Variants in ZNF283 observed in about 807,000 individuals in gnomAD.
The protein encoded by ZNF283 is zinc finger protein 41.
In ZNF283, 10 loss-of-function variants were observed where a neutral mutation model predicts 9.2. That is an observed-to-expected ratio of 1.09 (90% CI 0.67 to 1.85). ZNF283 has a LOEUF of 1.85. Ranked by LOEUF, ZNF283 falls within the 40% of genes most tolerant of loss-of-function variation. The probability of loss-of-function intolerance (pLI) is 0.00; values close to 1 mark genes in which losing one functional copy is unlikely to be tolerated. For missense variants in ZNF283, 631 were observed against 760.1 expected (o/e 0.83, Z 2.00); for synonymous variants, 234 against 244.1 (o/e 0.96, Z 0.38).
At chr19:43,831,597 T>C (rs1405499590) in intron 3 of ZNF283, among the ~76,000 whole-genome samples, 3 of 152,178 alleles carry the variant, frequency 2.0e-5, no homozygotes, top group Admixed American at 6.5e-5. Context: ...TTGCATCCTC[T>C]AGAGTTAATC....
intron 1 of ZNF283, 42 bp from the exon 2 acceptor site, chr19:43,828,160 G>C (rs1022064667): frequency 6.7e-6 from 1 of 150,038 alleles, no homozygotes; most frequent in African/African-American, 2.5e-5. Flanking sequence ...TCTGTGACGC[G>C]CTAGAAATGC....
At chr19:43,838,902 A>G (rs117746398) in intron 6 of ZNF283, among the ~76,000 whole-genome samples, 2,840 of 152,192 alleles carry the variant, frequency 0.019, 46 homozygotes, top group Non-Finnish European at 0.026. Flanking sequence ...ACAATCAGCT[A>G]TTGCTTTGAA....
chr19:43,846,850 C>G (rs1971416351), intron 6 of ZNF283, 89 bp from the exon 7 acceptor site: 2 of 1,004,750 alleles, frequency 2.0e-6, no homozygotes, highest in African/African-American at 1.7e-5. Context: ...CAGTAAGTCT[C>G]CTAATTTGTC....
intron 6 of ZNF283, among the ~76,000 whole-genome samples, chr19:43,845,465 CTAAT>C (rs1971367378): frequency 6.6e-6 from 1 of 151,974 alleles, no homozygotes; most frequent in African/African-American, 2.4e-5. Flanking sequence ...ATAGTTGTGA[CTAAT>C]TAATCAGAAC....
At chr19:43,835,043 C>T (rs1157089988) in intron 4 of ZNF283, among the ~76,000 whole-genome samples, 1 of 152,068 alleles carries the variant, frequency 6.6e-6, no homozygotes, top group Non-Finnish European at 1.5e-5. Flanking sequence ...TTGATTATTT[C>T]CCTAAGTTAG....
chr19:43,848,744 G>A lies in ZNF283; in HGVS notation c.*103G>A, dbSNP rs932651099. On this transcript the variant is annotated 3_prime_UTR_variant, in exon 7 of 7. Coordinates refer to ENST00000618787, the MANE Select transcript of ZNF283 (RefSeq NM_181845.2). ...TTGTGAATGTAAGGGTTGTGCAAAAGCCATTCATTTCTGTTTATGGGCAAT... is the reference window on the plus strand; with the variant it reads ...TTGTGAATGTAAGGGTTGTGCAAAAACCATTCATTTCTGTTTATGGGCAAT... 4.2e-6 allele frequency: 5 copies of A among 1,203,982 alleles called. No individual in the cohort carries two copies. Among genetic ancestry groups the A allele is most frequent in the Non-Finnish European group, 5.6e-6 (5 of 891,892 alleles). The allele number at this position is 1,203,982 out of a possible 1,614,324, so 74.6% of individuals were successfully genotyped here.
At chr19:43,838,063 C>T (rs1971053851) in intron 6 of ZNF283, 1 of 152,148 alleles carries the variant, frequency 6.6e-6, no homozygotes, top group Non-Finnish European at 1.5e-5. Flanking sequence ...GATTACAGGC[C>T]AGCTATTTTG....
Position 43,850,134 on chromosome 19 carries a change from A to T in ZNF283, c.*1493A>T, listed in dbSNP as rs1329319875. 2 of 152,224 alleles carry T rather than the reference A, an allele frequency of 1.3e-5. No homozygotes were observed. The highest frequency in any genetic ancestry group is 2.9e-5 in the Non-Finnish European group (2 of 68,034). 9.4% of individuals were successfully genotyped at this position (152,224 alleles called of 1,614,324 possible). A position where few individuals can be genotyped will look rare whatever the true frequency, so the allele number is the denominator to read the frequency against. Reference sequence around the variant, plus strand: ...AAAGCTGTTTTATAGAATGTCACACATTAGTTTCATTCCTCATGGTGAAAT... The same window carrying T: ...AAAGCTGTTTTATAGAATGTCACACTTTAGTTTCATTCCTCATGGTGAAAT... On this transcript the variant is annotated 3_prime_UTR_variant, in exon 7 of 7. Transcript: ENST00000618787.
Position 43,850,548 on chromosome 19 carries a change from T to G in ZNF283, c.*1907T>G, listed in dbSNP as rs1025984475. ...TGCACCTCTCGGGTTCAAGTGATTC[T>G]CGTGCCTCAGCCTCCCAAGTAGCTG... On this transcript the variant is annotated 3_prime_UTR_variant, in exon 7 of 7. Transcript: ENST00000618787. The G allele has an allele frequency of 1.3e-5, 2 of 152,162 alleles. No individual in the cohort carries two copies. The highest frequency in any genetic ancestry group is 2.9e-5 in the Non-Finnish European group (2 of 68,090). 9.4% of individuals were successfully genotyped at this position (152,162 alleles called of 1,614,324 possible).
chr19:43,835,920 A>C (rs1970959124), intron 5 of ZNF283, among the ~76,000 whole-genome samples: 1 of 152,156 alleles, frequency 6.6e-6, no homozygotes, highest in Admixed American at 6.5e-5. Context: ...GTCAACCAGG[A>C]TGTGTAGGCC....
chr19:43,841,726 C>G (rs1304718578), intron 6 of ZNF283, among the ~76,000 whole-genome samples: 2 of 152,176 alleles, frequency 1.3e-5, no homozygotes, highest in Non-Finnish European at 2.9e-5. Context: ...AGCCACTGCA[C>G]CCAGCCTTCA....
chr19:43,848,347 G>A lies in ZNF283; in HGVS notation c.1746G>A (p.Trp582Ter). 6.2e-7 allele frequency: 1 copy of A among 1,613,474 alleles called. No homozygotes were observed. The highest frequency in any genetic ancestry group is 2.2e-5 in the East Asian group (1 of 44,806). ...KCKECGKAFS[W>*]GSSLVKHERV... ...AGGAATGTGGGAAGGCCTTCAGTTG[G>A]GGTTCAAGCCTAGTTAAGCATGAGA... The change falls in exon 7 of 7, where the codon TGG (tryptophan) becomes TGA (stop). Residue 582 changes from tryptophan (W) to a stop codon, truncating the protein, a stop_gained. Coordinates refer to ENST00000618787, the MANE Select transcript of ZNF283 (RefSeq NM_181845.2). LOFTEE classifies it low-confidence loss of function (END_TRUNC).
At chr19:43,835,432 ATCT>A in intron 4 of ZNF283, 70 bp from the exon 5 acceptor site, 1 of 961,678 alleles carries the variant, frequency 1.0e-6, no homozygotes, top group African/African-American at 1.6e-5. Flanking sequence ...AGAAGATAAG[ATCT>A]TCTATTAGTG....
At chr19:43,839,126 G>A (rs7253606) in intron 6 of ZNF283, among the ~76,000 whole-genome samples, 1 of 151,916 alleles carries the variant, frequency 6.6e-6, no homozygotes, top group Non-Finnish European at 1.5e-5. Context: ...TTCTAGAGTA[G>A]GTCTACTGGT....
chr19:43,828,755 A>G (rs946849444), intron 2 of ZNF283, among the ~76,000 whole-genome samples: 1 of 152,110 alleles, frequency 6.6e-6, no homozygotes, highest in African/African-American at 2.4e-5. Context: ...TCCTGGGCTC[A>G]GGTGTTCCTC....
In ZNF283 at chr19:43,848,691, T is replaced by G. The variant is rs746493727; in HGVS notation, c.*50T>G. ...GTGTGTGTGTATAGACAACTTATCATAATAAGAACTCTTACTCTTGAGAAA... is the reference window on the plus strand; with the variant it reads ...GTGTGTGTGTATAGACAACTTATCAGAATAAGAACTCTTACTCTTGAGAAA... On this transcript the variant is annotated 3_prime_UTR_variant, in exon 7 of 7. Transcript: ENST00000618787. 6.8e-7 allele frequency: 1 copy of G among 1,469,470 alleles called. No homozygotes were observed. The highest frequency in any genetic ancestry group is 9.0e-7 in the Non-Finnish European group (1 of 1,105,890). The allele number at this position is 1,469,470 out of a possible 1,614,324, so 91.0% of individuals were successfully genotyped here. A position where few individuals can be genotyped will look rare whatever the true frequency, so the allele number is the denominator to read the frequency against.
At chr19:43,837,535 C>G (rs1971033670) in intron 6 of ZNF283, 1 of 344,784 alleles carries the variant, frequency 2.9e-6, no homozygotes, top group Non-Finnish European at 5.2e-6. Context: ...CAGCCTTGTG[C>G]TGAGCACTGT....
Position 43,847,685 on chromosome 19 carries a change from C to T in ZNF283, c.1084C>T (p.Leu362Phe), listed in dbSNP as rs1219868697. 1 of 1,613,542 alleles carries T rather than the reference C, an allele frequency of 6.2e-7. No homozygotes were observed. The highest frequency in any genetic ancestry group is 8.5e-7 in the Non-Finnish European group (1 of 1,179,614). The stretch of plus-strand genomic sequence containing the variant: ...GAAGGCCTTCAGTCGTGGCTATCAG[C>T]TTACTCAGCATCAGAAAATCCATAC... ...CGKAFSRGYQ[L>F]TQHQKIHTGK... The change falls in exon 7 of 7, where the codon CTT becomes TTT. Residue 362 changes from leucine to phenylalanine, a missense_variant. Leu to Phe is a conservative substitution (Grantham distance 22). Around this residue, in one of 3 missense-constraint regions of ZNF283, gnomAD observed 444 missense variants for 522.5 expected, o/e 0.85. Transcript: ENST00000618787.
intron 2 of ZNF283, 37 bp from the exon 3 acceptor site, chr19:43,831,281 T>G: frequency 6.8e-7 from 1 of 1,467,534 alleles, no homozygotes. Context: ...TTCCTCAGAC[T>G]TTGAAGGTGG....
Sources: allele counts gnomAD v4.1 joint callset (sites outside exome capture counted in the v4.1 genomes callset), GRCh38; gene constraint gnomAD v4.1.1; regional missense constraint gnomAD v4.1.1; transcripts MANE v1.5; gene names NCBI Gene and HGNC (gene_info 2026-07-23, HGNC 2026-07-21).